The following ZSCAN5A variants were observed in gnomAD, a reference collection of about 807,000 sequenced individuals.
The protein encoded by ZSCAN5A is zinc finger and SCAN domain-containing protein 5A.
In ZSCAN5A, 12 loss-of-function variants were observed where a neutral mutation model predicts 23.7. That is an observed-to-expected ratio of 0.51 (90% CI 0.32 to 0.82). ZSCAN5A has a LOEUF of 0.82. Ranked by LOEUF, ZSCAN5A falls within the 40% of genes least tolerant of loss-of-function variation. The pLI is 0.03. For synonymous variants in ZSCAN5A, 257 were observed against 239.9 expected, an observed-to-expected ratio of 1.07 and a Z score of -0.66; for missense variants, 597 against 617.9, an observed-to-expected ratio of 0.97 and a Z score of 0.36.
At chr19:56,302,847 T>A (rs1226269649) in intron 2 of ZSCAN5A, 1 of 398,570 alleles carries the variant, frequency 2.5e-6, no homozygotes, top group East Asian at 3.6e-5. Context: ...CTAAGGGACG[T>A]TCATAAGGAC....
intron 2 of ZSCAN5A, among the ~76,000 whole-genome samples, chr19:56,232,871 C>T (rs925521045): frequency 6.6e-5 from 10 of 151,828 alleles, no homozygotes; most frequent in African/African-American, 9.7e-5. Context: ...TTGTAGACAC[C>T]GAGTTTCACC....
intron 2 of ZSCAN5A, chr19:56,245,407 T>C: frequency 1.4e-6 from 1 of 722,068 alleles, no homozygotes; most frequent in South Asian, 1.5e-5. Context: ...CCAGGGTCCC[T>C]GCACTGTCCA....
Position 56,343,188 on chromosome 19 carries a change from G to A in ZSCAN5A, c.-358+20047C>T, listed in dbSNP as rs1600295204. The A allele has an allele frequency of 4.1e-6, 3 of 739,682 alleles. No homozygotes were observed. The South Asian group carries it at 4.4e-5, about 11-fold the overall frequency. The allele number at this position is 739,682 out of a possible 1,614,324, so 45.8% of individuals were successfully genotyped here. The stretch of plus-strand genomic sequence containing the variant: ...ATTGCTTTATTGAAACTAACTTCAG[G>A]TTTCTCCTCAGGAGAAGTTATATCC... On this transcript the variant is annotated intron_variant, in intron 2 of 6. Coordinates refer to the ZSCAN5A transcript ENST00000587340.
intron 2 of ZSCAN5A, among the ~76,000 whole-genome samples, chr19:56,253,715 A>T (rs1555797882): frequency 1.3e-5 from 2 of 151,468 alleles, no homozygotes; most frequent in Non-Finnish European, 2.9e-5. Flanking sequence ...CACTAAATAC[A>T]TTTTTTTTTC....
chr19:56,315,711 C>T (rs1460435616), upstream of ZSCAN5A: 2 of 152,238 alleles, frequency 1.3e-5, no homozygotes, highest in African/African-American at 4.8e-5. Context: ...TCTGGTACCC[C>T]TGCTGTGCTC....
intron 2 of ZSCAN5A, among the ~76,000 whole-genome samples, chr19:56,267,885 T>C (rs2037583492): frequency 6.6e-6 from 1 of 152,172 alleles, no homozygotes; most frequent in Non-Finnish European, 1.5e-5. Context: ...GACACCTCCA[T>C]TTTTACTCCC....
intron 2 of ZSCAN5A, among the ~76,000 whole-genome samples, chr19:56,307,394 CAA>C (rs927783471): frequency 1.3e-5 from 2 of 152,026 alleles, no homozygotes; most frequent in African/African-American, 4.8e-5. Flanking sequence ...AAAGAAAATC[CAA>C]AACACTTTTC....
chr19:56,356,539 C>G (rs914792412), intron 2 of ZSCAN5A, among the ~76,000 whole-genome samples: 3 of 147,890 alleles, frequency 2.0e-5, no homozygotes, highest in African/African-American at 7.7e-5. Flanking sequence ...ATATCCTTCT[C>G]TAACTTCTAC....
At chr19:56,251,972 T>C (rs780222160) in intron 2 of ZSCAN5A, among the ~76,000 whole-genome samples, 1 of 152,216 alleles carries the variant, frequency 6.6e-6, no homozygotes, top group Non-Finnish European at 1.5e-5. Flanking sequence ...TCTCTGCTCC[T>C]TTGTGGAAAA....
chr19:56,237,602 C>T (rs1467109792), intron 2 of ZSCAN5A, among the ~76,000 whole-genome samples: 5 of 152,092 alleles, frequency 3.3e-5, no homozygotes, highest in African/African-American at 9.7e-5. Flanking sequence ...CACACTGTAT[C>T]GCATACTTGA....
chr19:56,247,849 G>A (rs938432479), intron 2 of ZSCAN5A, among the ~76,000 whole-genome samples: 1 of 151,882 alleles, frequency 6.6e-6, no homozygotes, highest in Admixed American at 6.6e-5. Context: ...CTGCCACCAT[G>A]CCCGGCTAAT....
At chr19:56,264,901 CACT>C (rs1227318029) in intron 2 of ZSCAN5A, among the ~76,000 whole-genome samples, 1 of 152,184 alleles carries the variant, frequency 6.6e-6, no homozygotes, top group East Asian at 1.9e-4. Flanking sequence ...GCAGGTGGAT[CACT>C]TGAGGTCAAG....
At chr19:56,290,584 C>T (rs988831530) in intron 2 of ZSCAN5A, among the ~76,000 whole-genome samples, 4 of 152,214 alleles carry the variant, frequency 2.6e-5, no homozygotes, top group East Asian at 1.9e-4. Context: ...TTGGGTTGGA[C>T]ACGGTGGCTC....
rs377736368 is a variant in ZSCAN5A, at chr19:56,299,139, A to AT, written c.-128+14143dup. 9.0e-3 allele frequency among the ~76,000 whole-genome samples: 1,344 copies of AT among 150,044 alleles called. 23 individuals carry two copies. Among genetic ancestry groups the AT allele is most frequent in the African/African-American group, 0.031 (1,280 of 41,000 alleles). The stretch of plus-strand genomic sequence containing the variant: ...ATGGTAAGATTTTACAGCTTACATT[A>AT]TTTTTTTTTTGAGACACGGTCTAGC... On this transcript the variant is annotated intron_variant, in intron 2 of 5. Coordinates refer to ENST00000683990, the MANE Select transcript of ZSCAN5A (RefSeq NM_001322064.3).
chr19:56,246,950 G>A, intron 2 of ZSCAN5A: 1 of 1,536,236 alleles, frequency 6.5e-7, no homozygotes, highest in Non-Finnish European at 9.0e-7. Flanking sequence ...ACACCTGTGG[G>A]CAACAGCGAA....
chr19:56,264,400 C>G (rs1251826878), intron 2 of ZSCAN5A, among the ~76,000 whole-genome samples: 1 of 152,170 alleles, frequency 6.6e-6, no homozygotes. Flanking sequence ...CAGAAAATGA[C>G]CTGTTTGTTC....
intron 1 of ZSCAN5A, among the ~76,000 whole-genome samples, chr19:56,364,723 T>C (rs2041754456): frequency 6.6e-6 from 1 of 152,212 alleles, no homozygotes. Flanking sequence ...GGTACATTCA[T>C]GCAATGGAAT....
At chr19:56,257,758 T>G (rs1198172421) in intron 2 of ZSCAN5A, among the ~76,000 whole-genome samples, 2 of 134,904 alleles carry the variant, frequency 1.5e-5, no homozygotes, top group Non-Finnish European at 3.1e-5. Flanking sequence ...GCCCATCTTC[T>G]TAGACACAGG....
intron 2 of ZSCAN5A, among the ~76,000 whole-genome samples, chr19:56,226,984 GAAC>G (rs1311263608): frequency 6.6e-6 from 1 of 152,080 alleles, no homozygotes; most frequent in Non-Finnish European, 1.5e-5. Context: ...AAACCCAGTG[GAAC>G]TCATAGTAGT....
Sources: allele counts gnomAD v4.1 joint callset (sites outside exome capture counted in the v4.1 genomes callset), GRCh38; gene constraint gnomAD v4.1.1; transcripts MANE v1.5; gene names NCBI Gene and HGNC (gene_info 2026-07-23, HGNC 2026-07-21).